Variants in GRIK2 observed in about 807,000 individuals in gnomAD.
GRIK2 encodes glutamate ionotropic receptor kainate type subunit 2.
GRIK2 carries 32 observed loss-of-function variants against 100.3 expected under a neutral mutation model. The ratio of observed to expected loss-of-function variants is 0.32; its 90% CI spans 0.24 to 0.43. The LOEUF is 0.43. Ranked by LOEUF, GRIK2 falls within the 20% of genes least tolerant of loss-of-function variation. The pLI, the probability that GRIK2 is intolerant of heterozygous loss-of-function variation, is 1.00. For missense variants in GRIK2, 843 were observed against 1,114.9 expected (o/e 0.76, Z 3.47); for synonymous variants, 417 against 389.4 (o/e 1.07, Z -0.83).
At chr6:101,525,040 G>A (rs1243190992) in intron 2 of GRIK2, among the ~76,000 whole-genome samples, 1 of 151,958 alleles carries the variant, frequency 6.6e-6, no homozygotes, top group Non-Finnish European at 1.5e-5. Context: ...GCCCCCACTT[G>A]CGTGTTCTTG....
At chr6:101,525,974 G>A (rs1457771863) in intron 2 of GRIK2, among the ~76,000 whole-genome samples, 2 of 152,206 alleles carry the variant, frequency 1.3e-5, no homozygotes, top group Admixed American at 6.5e-5. Flanking sequence ...AGAATAAAAT[G>A]GGAGTAAAGT....
chr6:101,808,204 A>G (rs1781122508), intron 9 of GRIK2, among the ~76,000 whole-genome samples: 1 of 152,060 alleles, frequency 6.6e-6, no homozygotes, highest in Admixed American at 6.6e-5. Context: ...TCAAAAGGAT[A>G]TCATTTACAG....
At chr6:101,665,159 G>T (rs1330190027) in intron 4 of GRIK2, among the ~76,000 whole-genome samples, 1 of 152,182 alleles carries the variant, frequency 6.6e-6, no homozygotes, top group South Asian at 2.1e-4. Flanking sequence ...CCTTGGCATT[G>T]TTATAGGGCT....
intron 11 of GRIK2, among the ~76,000 whole-genome samples, chr6:101,869,175 G>T (rs1479798557): frequency 1.3e-5 from 2 of 151,846 alleles, no homozygotes; most frequent in African/African-American, 4.8e-5. Context: ...GACCAAAACG[G>T]TGTACTTGGT....
At chr6:101,583,095 G>T (rs777984523) in intron 2 of GRIK2, among the ~76,000 whole-genome samples, 1 of 152,164 alleles carries the variant, frequency 6.6e-6, no homozygotes, top group Non-Finnish European at 1.5e-5. Context: ...GGCCATGAGG[G>T]AGCAGTGGAA....
chr6:102,052,221 T>A (rs1771236287), intron 15 of GRIK2, among the ~76,000 whole-genome samples: 1 of 152,214 alleles, frequency 6.6e-6, no homozygotes, highest in Admixed American at 6.5e-5. Flanking sequence ...TAATTCATTT[T>A]TAATTACTTG....
chr6:101,622,129 T>G lies in GRIK2; in HGVS notation c.283+13T>G, dbSNP rs191936220. 6.7e-7 allele frequency: 1 copy of G among 1,492,540 alleles called. No homozygotes were observed. The highest frequency in any genetic ancestry group is 2.3e-5 in the East Asian group (1 of 44,008). 92.5% of individuals were successfully genotyped at this position (1,492,540 alleles called of 1,614,324 possible). On this transcript the variant is annotated intron_variant, in intron 3 of 16. Coordinates refer to ENST00000369134, the MANE Select transcript of GRIK2 (RefSeq NM_021956.5). ...GCATCCAAGAAAGGTAATTGATAGA[T>G]TTTTAACATCTTTGTTTCCTGGAAT...
intron 7 of GRIK2, among the ~76,000 whole-genome samples, chr6:101,799,422 G>A (rs946442900): frequency 3.3e-5 from 5 of 152,014 alleles, no homozygotes; most frequent in African/African-American, 4.8e-5. Flanking sequence ...GTTATTTCAG[G>A]AAAAGGAGGG....
intron 2 of GRIK2, among the ~76,000 whole-genome samples, chr6:101,498,178 C>G (rs1296622809): frequency 6.7e-6 from 1 of 150,306 alleles, no homozygotes; most frequent in Non-Finnish European, 1.5e-5. Context: ...TCATCCATGT[C>G]CCTACAAAGG....
chr6:101,889,473 A>G (rs1484381130), intron 11 of GRIK2, among the ~76,000 whole-genome samples, 167 bp from the exon 12 acceptor site: 1 of 151,958 alleles, frequency 6.6e-6, no homozygotes, highest in Non-Finnish European at 1.5e-5. Context: ...TCTTTACTTC[A>G]GAGTAAGGAA....
At chr6:101,843,506 A>G (rs907039359) in intron 10 of GRIK2, among the ~76,000 whole-genome samples, 2 of 152,130 alleles carry the variant, frequency 1.3e-5, no homozygotes, top group Non-Finnish European at 2.9e-5. Context: ...AATAATTTCT[A>G]TCCCATGTGC....
chr6:101,901,164 T>A (rs2128461575), intron 12 of GRIK2, among the ~76,000 whole-genome samples: 1 of 152,158 alleles, frequency 6.6e-6, no homozygotes, highest in South Asian at 2.1e-4. Context: ...AATAGCTATA[T>A]TGGTAAGAAA....
chr6:101,788,707 G>A (rs1252728680), intron 7 of GRIK2, among the ~76,000 whole-genome samples: 1 of 152,186 alleles, frequency 6.6e-6, no homozygotes, highest in Non-Finnish European at 1.5e-5. Context: ...ATGATTTATA[G>A]TCCTTTGGGC....
intron 12 of GRIK2, among the ~76,000 whole-genome samples, chr6:101,903,144 G>A (rs1238035355): frequency 6.6e-6 from 1 of 151,862 alleles, no homozygotes; most frequent in Admixed American, 6.6e-5. Flanking sequence ...TATTCAGAAA[G>A]GAGATGCTTC....
chr6:101,866,272 G>A lies in GRIK2; in HGVS notation c.1524+6779G>A, dbSNP rs554075934. On this transcript the variant is annotated intron_variant, in intron 11 of 16. Coordinates refer to ENST00000369134, the MANE Select transcript of GRIK2 (RefSeq NM_021956.5). ...ATTGTTCAATAGTACCATGTAACAGGATTATATCATTTTTATTTAGTCTTC... is the reference window on the plus strand; with the variant it reads ...ATTGTTCAATAGTACCATGTAACAGAATTATATCATTTTTATTTAGTCTTC... Among the ~76,000 whole-genome samples, 11 of 152,168 alleles carry A rather than the reference G, an allele frequency of 7.2e-5. No individual in the cohort carries two copies. In the South Asian group the frequency reaches 2.3e-3, roughly 32 times the overall value.
chr6:101,397,266 A>T (rs1458055505), intron 1 of GRIK2, among the ~76,000 whole-genome samples: 2 of 152,188 alleles, frequency 1.3e-5, no homozygotes, highest in Admixed American at 1.3e-4. Flanking sequence ...CCTGGCAGTC[A>T]TTATTATCTC....
intron 12 of GRIK2, among the ~76,000 whole-genome samples, chr6:101,923,400 AT>A (rs1789680316): frequency 6.6e-6 from 1 of 152,192 alleles, no homozygotes; most frequent in Non-Finnish European, 1.5e-5. Context: ...AATTCCATTA[AT>A]TGATAAATAT....
chr6:101,663,808 C>T (rs1404324922), intron 4 of GRIK2, among the ~76,000 whole-genome samples: 1 of 152,124 alleles, frequency 6.6e-6, no homozygotes, highest in Non-Finnish European at 1.5e-5. Flanking sequence ...AGGGAATCTT[C>T]GCAGTCCATG....
intron 2 of GRIK2, among the ~76,000 whole-genome samples, chr6:101,544,734 ATATTGT>A (rs1462803798): frequency 2.0e-5 from 3 of 152,212 alleles, no homozygotes; most frequent in Non-Finnish European, 2.9e-5. Flanking sequence ...TAGCCCTTTG[ATATTGT>A]TATTATTCTG....
Sources: gnomAD v4.1 joint callset for allele counts (sites outside exome capture counted in the v4.1 genomes callset) on GRCh38, gnomAD v4.1.1 for gene constraint, MANE v1.5 for transcripts, NCBI Gene and HGNC (gene_info 2026-07-23, HGNC 2026-07-21) for gene names.